SLIT3: variants seen among roughly 807,000 people sequenced by gnomAD.
SLIT3 encodes the protein slit homolog 3 protein.
Under a neutral mutation model 184.0 loss-of-function variants are expected in SLIT3, and 68 were observed. The observed-to-expected ratio is 0.37, with a 90% CI of 0.30 to 0.45. The LOEUF is 0.45. Ranked by LOEUF, SLIT3 falls within the 20% of genes least tolerant of loss-of-function variation. The pLI is 1.00. For missense variants in SLIT3, 1,707 were observed against 2,026.0 expected, an observed-to-expected ratio of 0.84 and a Z score of 3.02; for synonymous variants, 831 against 828.6, an observed-to-expected ratio of 1.00 and a Z score of -0.05.
intron 4 of SLIT3, among the ~76,000 whole-genome samples, chr5:168,924,104 G>A (rs577153107): frequency 6.6e-6 from 1 of 152,204 alleles, no homozygotes; most frequent in Non-Finnish European, 1.5e-5. Context: ...ACAAGGCCCT[G>A]CATGATCTGA....
chr5:168,983,275 C>G (rs778954270), intron 4 of SLIT3, among the ~76,000 whole-genome samples: 10 of 152,340 alleles, frequency 6.6e-5, no homozygotes, highest in Non-Finnish European at 1.0e-4. Context: ...ATCTCACAAG[C>G]TTTATCCCCC....
chr5:168,907,969 T>TAGAGAG (rs1426074287), intron 4 of SLIT3, among the ~76,000 whole-genome samples: 257 of 76,626 alleles, frequency 3.4e-3, no homozygotes, highest in Non-Finnish European at 4.5e-3. Flanking sequence ...TATATATATA[T>TAGAGAG]ATATATATAT....
Position 168,806,478 on chromosome 5 carries a change from A to G in SLIT3, c.903T>C (p.Ile301=), listed in dbSNP as rs1171217477. ...CGATGCCCTCCGGCAAGTTGGCAGG[A>G]ATCTCCATCAAGCCCTTTCCTCGAC... ...VDCRGKGLME[I]PANLPEGIVE... The change falls in exon 9 of 36, where the codon ATT becomes ATC. Residue 301 remains isoleucine, a synonymous_variant. Transcript: ENST00000519560. The G allele has an allele frequency of 1.9e-6, 3 of 1,614,072 alleles. No individual in the cohort carries two copies. The highest frequency in any genetic ancestry group is 2.5e-6 in the Non-Finnish European group (3 of 1,180,032).
intron 4 of SLIT3, among the ~76,000 whole-genome samples, chr5:169,084,115 A>AGCG (rs1759183045): frequency 6.6e-6 from 1 of 152,100 alleles, no homozygotes; most frequent in Non-Finnish European, 1.5e-5. Flanking sequence ...TTTGGCCGAG[A>AGCG]GCGGGATATT....
intron 4 of SLIT3, among the ~76,000 whole-genome samples, chr5:169,155,835 C>G (rs910658015): frequency 6.6e-6 from 1 of 152,182 alleles, no homozygotes; most frequent in African/African-American, 2.4e-5. Flanking sequence ...GTTAGAAGGA[C>G]CACCACTACT....
intron 5 of SLIT3, among the ~76,000 whole-genome samples, chr5:168,849,745 T>A (rs1758604156): frequency 6.6e-6 from 1 of 152,260 alleles, no homozygotes; most frequent in Non-Finnish European, 1.5e-5. Flanking sequence ...GAATTAGTTT[T>A]TGATGAAATA....
intron 4 of SLIT3, among the ~76,000 whole-genome samples, chr5:169,035,161 A>T (rs926401480): frequency 2.0e-5 from 3 of 152,072 alleles, no homozygotes; most frequent in Non-Finnish European, 4.4e-5. Flanking sequence ...AACTTCTAGG[A>T]TTAGACAAAT....
At chr5:169,004,009 AATC>A (rs1413012306) in intron 4 of SLIT3, among the ~76,000 whole-genome samples, 1 of 152,134 alleles carries the variant, frequency 6.6e-6, no homozygotes, top group Non-Finnish European at 1.5e-5. Flanking sequence ...AACATTGGTA[AATC>A]ATCAGCATAA....
At chr5:169,099,612 G>C (rs1051538630) in intron 4 of SLIT3, among the ~76,000 whole-genome samples, 2 of 152,178 alleles carry the variant, frequency 1.3e-5, no homozygotes, top group African/African-American at 4.8e-5. Context: ...CCTGTAAGTA[G>C]TCACACAGCT....
chr5:168,926,627 A>T (rs925679117), intron 4 of SLIT3, among the ~76,000 whole-genome samples: 1 of 151,932 alleles, frequency 6.6e-6, no homozygotes, highest in African/African-American at 2.4e-5. Context: ...TTAGCTTGTC[A>T]TTGCTTAAAA....
In SLIT3 at chr5:169,300,505, G is replaced by C. The variant is rs1048091468; in HGVS notation, c.197+8C>G. 2 of 1,491,614 alleles carry C rather than the reference G, an allele frequency of 1.3e-6. No homozygotes were observed. Among genetic ancestry groups the C allele is most frequent in the African/African-American group, 2.9e-5 (2 of 69,244 alleles). 92.4% of individuals were successfully genotyped at this position (1,491,614 alleles called of 1,614,324 possible). On this transcript the variant is annotated splice_region_variant and intron_variant, in intron 1 of 35. Coordinates refer to ENST00000519560, the MANE Select transcript of SLIT3 (RefSeq NM_003062.4). This position sits in a 1 kb window ranked among gnomAD's most constrained non-coding sequence, Gnocchi z 4.1. ...GTGGCCCGCGTGGGGTGGGGCAGGG[G>C]TACTCACAGGCGCTCAGCGTTGCGG...
chr5:169,124,460 T>C (rs1005880738), intron 4 of SLIT3, among the ~76,000 whole-genome samples: 1 of 152,218 alleles, frequency 6.6e-6, no homozygotes, highest in South Asian at 2.1e-4. Context: ...CACTGACCCA[T>C]GTCAGGGATG....
At chr5:168,801,492 G>C (rs891880243) in intron 9 of SLIT3, among the ~76,000 whole-genome samples, 2 of 152,174 alleles carry the variant, frequency 1.3e-5, no homozygotes, top group African/African-American at 4.8e-5. Flanking sequence ...ACGGAAGCCT[G>C]TCCATAGCCC....
chr5:168,856,793 G>GTA (rs1758888334), intron 5 of SLIT3, among the ~76,000 whole-genome samples: 1 of 147,196 alleles, frequency 6.8e-6, no homozygotes, highest in Non-Finnish European at 1.5e-5. Flanking sequence ...GTGTGTGTGT[G>GTA]TGTGTGTGTG....
intron 20 of SLIT3, among the ~76,000 whole-genome samples, chr5:168,741,520 G>T (rs1333494206): frequency 6.7e-6 from 1 of 149,108 alleles, no homozygotes; most frequent in South Asian, 2.1e-4. Flanking sequence ...ATTCAGAGAG[G>T]AATGCCTGCT....
At chr5:168,688,983 G>A (rs751700309) in intron 29 of SLIT3, among the ~76,000 whole-genome samples, 2 of 152,224 alleles carry the variant, frequency 1.3e-5, no homozygotes, top group East Asian at 1.9e-4. Context: ...AATTAGGGAA[G>A]CTATTCTCAC....
At chr5:168,788,848 C>T (rs930674417) in intron 11 of SLIT3, among the ~76,000 whole-genome samples, 2 of 152,032 alleles carry the variant, frequency 1.3e-5, no homozygotes, top group Non-Finnish European at 2.9e-5. Flanking sequence ...TTACTGTACA[C>T]GTGATCATCA....
At chr5:168,919,030 GC>G (rs748705116) in intron 4 of SLIT3, among the ~76,000 whole-genome samples, 6 of 152,186 alleles carry the variant, frequency 3.9e-5, no homozygotes, top group Non-Finnish European at 8.8e-5. Context: ...GGAGGCTGAG[GC>G]GGGTGGATCA....
intron 9 of SLIT3, among the ~76,000 whole-genome samples, chr5:168,799,953 C>A (rs1343731916): frequency 1.3e-5 from 2 of 152,020 alleles, no homozygotes; most frequent in African/African-American, 4.8e-5. Flanking sequence ...TGTTCTTAAC[C>A]CTTAGGCTAT....
Sources: allele counts gnomAD v4.1 joint callset (sites outside exome capture counted in the v4.1 genomes callset), GRCh38; gene constraint gnomAD v4.1.1; non-coding constraint Gnocchi (gnomAD v3.1); transcripts MANE v1.5; gene names NCBI Gene and HGNC (gene_info 2026-07-23, HGNC 2026-07-21).